The following AFG1L variants were observed in gnomAD, a reference collection of about 807,000 sequenced individuals.
AFG1L encodes the protein AFG1-like ATPase.
Under a neutral mutation model 62.2 loss-of-function variants are expected in AFG1L, and 53 were observed. That is an observed-to-expected ratio of 0.85 (90% CI 0.68 to 1.07). The LOEUF (loss-of-function observed/expected upper bound fraction) is 1.07. Ranked by LOEUF, AFG1L falls within the 50% of genes least tolerant of loss-of-function variation. The probability of loss-of-function intolerance (pLI) is 0.00; values close to 1 mark genes in which losing one functional copy is unlikely to be tolerated. For missense variants in AFG1L, 555 were observed against 590.5 expected, an observed-to-expected ratio of 0.94 and a Z score of 0.62; for synonymous variants, 228 against 210.3, an observed-to-expected ratio of 1.08 and a Z score of -0.73.
At chr6:108,489,807 G>A (rs1773707946) in intron 10 of AFG1L, among the ~76,000 whole-genome samples, 1 of 152,194 alleles carries the variant, frequency 6.6e-6, no homozygotes, top group African/African-American at 2.4e-5. Flanking sequence ...CTTACAAACA[G>A]TTGGAAATTT....
chr6:108,453,886 G>A (rs1395606635), intron 8 of AFG1L, among the ~76,000 whole-genome samples: 1 of 152,192 alleles, frequency 6.6e-6, no homozygotes, highest in African/African-American at 2.4e-5. Context: ...CAGTTAGACA[G>A]CTAGCCCAGT....
chr6:108,492,939 T>TAC (rs141066470), intron 10 of AFG1L, among the ~76,000 whole-genome samples: 6,356 of 150,870 alleles, frequency 0.042, 229 homozygotes, highest in African/African-American at 0.1. Flanking sequence ...CAAATAATTA[T>TAC]ACACACACAC....
intron 7 of AFG1L, among the ~76,000 whole-genome samples, chr6:108,404,334 A>G (rs1781759493): frequency 6.6e-6 from 1 of 152,212 alleles, no homozygotes; most frequent in Admixed American, 6.5e-5. Context: ...GTTCTTCTCT[A>G]TAAACCAAAT....
chr6:108,522,190 G>A (rs1339927838), intron 12 of AFG1L, 107 bp from the exon 13 acceptor site: 3 of 927,702 alleles, frequency 3.2e-6, no homozygotes, highest in East Asian at 5.2e-5. Flanking sequence ...ATAAAAAAAG[G>A]CATAATCTAA....
intron 6 of AFG1L, among the ~76,000 whole-genome samples, chr6:108,398,873 G>A (rs1392209819): frequency 2.0e-5 from 3 of 152,088 alleles, no homozygotes; most frequent in Non-Finnish European, 2.9e-5. Context: ...TGTGAAGTCA[G>A]GTATTGTGAT....
In AFG1L at chr6:108,401,213, G is replaced by T. The variant is rs542489544; in HGVS notation, c.749-783G>T. Among the ~76,000 whole-genome samples, 61 of 150,462 alleles carry T rather than the reference G, an allele frequency of 4.1e-4. 1 individual carries two copies. Among genetic ancestry groups the T allele is most frequent in the African/African-American group, 1.4e-3 (59 of 40,896 alleles). On this transcript the variant is annotated intron_variant, in intron 6 of 12. Transcript: ENST00000368977. The stretch of plus-strand genomic sequence containing the variant: ...TGCGGACTGCAGTGGCGCAATCTCG[G>T]CTCACTGCAAGCTCCGCTTCCCGGG...
chr6:108,423,748 T>C (rs1770698572), intron 7 of AFG1L, among the ~76,000 whole-genome samples: 1 of 152,110 alleles, frequency 6.6e-6, no homozygotes, highest in South Asian at 2.1e-4. Context: ...AAAGGACTTA[T>C]TAATGTGTAA....
intron 1 of AFG1L, among the ~76,000 whole-genome samples, chr6:108,320,629 A>G (rs1374816881): frequency 6.6e-6 from 1 of 152,100 alleles, no homozygotes; most frequent in East Asian, 1.9e-4. Flanking sequence ...AGCTTCTATT[A>G]TCTTCTTGCT....
At chr6:108,378,194 T>C (rs982972189) in intron 6 of AFG1L, among the ~76,000 whole-genome samples, 4 of 152,068 alleles carry the variant, frequency 2.6e-5, no homozygotes, top group African/African-American at 9.7e-5. Flanking sequence ...TTGATTTCTT[T>C]TTGAGATGTT....
At chr6:108,316,434 T>C (rs989164059) in intron 1 of AFG1L, among the ~76,000 whole-genome samples, 3 of 150,800 alleles carry the variant, frequency 2.0e-5, no homozygotes, top group Non-Finnish European at 4.4e-5. Context: ...TTTAAAGGAC[T>C]TGCCTCAGAT....
At chr6:108,426,284 T>C (rs962279230) in intron 7 of AFG1L, among the ~76,000 whole-genome samples, 8 of 152,120 alleles carry the variant, frequency 5.3e-5, no homozygotes, top group African/African-American at 1.9e-4. Flanking sequence ...AGAAAAAATC[T>C]TGTGGGTAAA....
At chr6:108,296,274 C>T (rs770827956) in intron 1 of AFG1L, among the ~76,000 whole-genome samples, 6 of 151,790 alleles carry the variant, frequency 4.0e-5, no homozygotes, top group Admixed American at 2.0e-4. Context: ...CTGGAGTAGT[C>T]GTTAAAAGTA....
chr6:108,404,496 C>G (rs994856178), intron 7 of AFG1L, among the ~76,000 whole-genome samples: 1 of 151,922 alleles, frequency 6.6e-6, no homozygotes, highest in African/African-American at 2.4e-5. Flanking sequence ...AATATTTCTT[C>G]AAAATAGTGA....
chr6:108,391,787 T>G (rs772756376), intron 6 of AFG1L, among the ~76,000 whole-genome samples: 1 of 152,182 alleles, frequency 6.6e-6, no homozygotes, highest in Admixed American at 6.5e-5. Context: ...TGCAACAGAA[T>G]GCGTTTCTAG....
chr6:108,487,473 A>G (rs1389364626), intron 10 of AFG1L, among the ~76,000 whole-genome samples: 2 of 152,232 alleles, frequency 1.3e-5, no homozygotes, highest in African/African-American at 4.8e-5. Context: ...TGTGAAATGC[A>G]TGATGTGATC....
At chr6:108,378,555 G>A (rs1780350820) in intron 6 of AFG1L, among the ~76,000 whole-genome samples, 2 of 152,140 alleles carry the variant, frequency 1.3e-5, no homozygotes, top group South Asian at 2.1e-4. Context: ...CCGACCTCAG[G>A]TGATCTGGCC....
At chr6:108,308,177 T>A (rs763211) in intron 1 of AFG1L, among the ~76,000 whole-genome samples, 7,697 of 152,232 alleles carry the variant, frequency 0.051, 348 homozygotes, top group Admixed American at 0.15. Flanking sequence ...TGAGACTAGA[T>A]CTCTCTGTGT....
intron 10 of AFG1L, among the ~76,000 whole-genome samples, chr6:108,498,482 G>T (rs371127513): frequency 2.0e-5 from 3 of 152,028 alleles, no homozygotes; most frequent in East Asian, 3.9e-4. Flanking sequence ...GGAACAAAAG[G>T]GTGAGTGGCA....
intron 6 of AFG1L, among the ~76,000 whole-genome samples, chr6:108,374,133 T>C (rs918918134): frequency 6.6e-6 from 1 of 152,228 alleles, no homozygotes. Context: ...CTGTGTGTCT[T>C]CTTTTGAGAA....
Sources: gnomAD v4.1 joint callset for allele counts (sites outside exome capture counted in the v4.1 genomes callset) on GRCh38, gnomAD v4.1.1 for gene constraint, MANE v1.5 for transcripts, NCBI Gene and HGNC (gene_info 2026-07-23, HGNC 2026-07-21) for gene names.